Variants in LRRC7 observed in about 807,000 individuals in gnomAD.
LRRC7 encodes the protein leucine-rich repeat-containing protein 7.
Under a neutral mutation model 175.7 loss-of-function variants are expected in LRRC7, and 23 were observed. That is an observed-to-expected ratio of 0.13 (90% CI 0.09 to 0.19). The LOEUF (loss-of-function observed/expected upper bound fraction) is 0.19. Ranked by LOEUF, LRRC7 falls within the 10% of genes least tolerant of loss-of-function variation. LRRC7 has a pLI of 1.00. For synonymous variants in LRRC7, 685 were observed against 680.9 expected (o/e 1.01, Z -0.09); for missense variants, 1,354 against 1,904.7 (o/e 0.71, Z 5.38).
intron 25 of LRRC7, among the ~76,000 whole-genome samples, chr1:70,095,057 T>C (rs919873961): frequency 1.3e-5 from 2 of 152,226 alleles, no homozygotes; most frequent in Admixed American, 6.5e-5. Context: ...ATACAATTTA[T>C]TGTATATGTT....
intron 7 of LRRC7, among the ~76,000 whole-genome samples, chr1:69,897,567 G>A (rs912583653): frequency 5.3e-5 from 8 of 152,080 alleles, no homozygotes; most frequent in African/African-American, 1.9e-4. Context: ...AATAAGGCCT[G>A]GGACATAATA....
intron 1 of LRRC7, among the ~76,000 whole-genome samples, chr1:69,570,786 A>G (rs1017582653): frequency 3.3e-5 from 5 of 152,156 alleles, no homozygotes; most frequent in African/African-American, 4.8e-5. Flanking sequence ...GGATGTAGGA[A>G]TGATTTTATG....
intron 7 of LRRC7, among the ~76,000 whole-genome samples, chr1:69,876,399 T>C (rs1231622122): frequency 1.3e-5 from 2 of 152,118 alleles, no homozygotes. Flanking sequence ...TAGCAATCAA[T>C]ATAAGTTAAT....
intron 1 of LRRC7, among the ~76,000 whole-genome samples, chr1:69,675,851 C>G (rs1659693195): frequency 6.6e-6 from 1 of 152,036 alleles, no homozygotes; most frequent in African/African-American, 2.4e-5. Flanking sequence ...CAAGTTTCCA[C>G]TTGGTTTCCT....
In LRRC7 at chr1:70,050,578, C is replaced by CA. The variant is rs556386714; in HGVS notation, c.4111-2441dup. The stretch of plus-strand genomic sequence containing the variant: ...CAAAGAAAATATCAAGAATGTGGTG[C>CA]AAAAAAATAATTGAATTAATAGCTG... On this transcript the variant is annotated intron_variant, in intron 22 of 26. Coordinates refer to ENST00000651989, the MANE Select transcript of LRRC7 (RefSeq NM_001370785.2). Among the ~76,000 whole-genome samples, 481 of 151,922 alleles carry CA rather than the reference C, an allele frequency of 3.2e-3. 3 individuals are homozygous for CA. Among genetic ancestry groups the CA allele is most frequent in the African/African-American group, 0.011 (444 of 41,492 alleles).
At chr1:69,568,670 G>T (rs1645598024) in intron 1 of LRRC7, 29 bp downstream of exon 1, 1 of 1,300,156 alleles carries the variant, frequency 7.7e-7, no homozygotes, top group East Asian at 5.6e-5. Context: ...CTCCGTGGCG[G>T]AGGGTGCTGC....
chr1:69,682,714 T>C (rs186122863), intron 2 of LRRC7, among the ~76,000 whole-genome samples: 131 of 152,166 alleles, frequency 8.6e-4, no homozygotes, highest in Admixed American at 1.4e-3. Context: ...TCCAGAACTG[T>C]GAGAAATAAA....
chr1:69,966,084 C>G (rs940964793), intron 8 of LRRC7, among the ~76,000 whole-genome samples: 1 of 151,944 alleles, frequency 6.6e-6, no homozygotes, highest in African/African-American at 2.4e-5. Context: ...AAGTTATACC[C>G]TGAAATATTG....
At chr1:70,079,105 G>A (rs911068162) in intron 24 of LRRC7, among the ~76,000 whole-genome samples, 6 of 152,068 alleles carry the variant, frequency 3.9e-5, no homozygotes, top group Non-Finnish European at 1.5e-5. Flanking sequence ...TTTTTAATAA[G>A]TGTATGTGGC....
rs1557640309 is a variant in LRRC7, at chr1:69,717,762, A to AAAGAAGG, written c.100+39286_100+39287insGAAGGAA. On this transcript the variant is annotated intron_variant, in intron 2 of 26. Transcript: ENST00000651989. ...ATTTAAAAGATATTGGAACATGAAA[A>AAAGAAGG]AAAGAAAAAAAGAAAGAAAGAAAGA... Among the ~76,000 whole-genome samples the AAAGAAGG allele has an allele frequency of 3.4e-4, 14 of 40,842 alleles. 1 individual carries two copies. Among genetic ancestry groups the AAAGAAGG allele is most frequent in the African/African-American group, 1.9e-3 (13 of 6,934 alleles). The allele number at this position is 40,842 out of a possible 152,430, so 26.8% of individuals were successfully genotyped here. A position where few individuals can be genotyped will look rare whatever the true frequency, so the allele number is the denominator to read the frequency against.
At chr1:69,760,162 T>C in intron 2 of LRRC7, 29 bp from the exon 3 acceptor site, 1 of 1,608,378 alleles carries the variant, frequency 6.2e-7, no homozygotes, top group Non-Finnish European at 8.5e-7. Context: ...TAAGCTGTTT[T>C]GTTTTGTTTT....
chr1:70,005,994 T>C (rs2101938893), intron 11 of LRRC7, among the ~76,000 whole-genome samples: 1 of 152,286 alleles, frequency 6.6e-6, no homozygotes, highest in East Asian at 1.9e-4. Context: ...GTCTTTTTTT[T>C]TTCACTTCAT....
chr1:69,778,987 C>T (rs560433314), intron 3 of LRRC7, among the ~76,000 whole-genome samples: 1 of 149,638 alleles, frequency 6.7e-6, no homozygotes, highest in East Asian at 2.0e-4. Flanking sequence ...CACACACACT[C>T]ATATATATAC....
intron 3 of LRRC7, among the ~76,000 whole-genome samples, chr1:69,784,883 A>G (rs1416643751): frequency 1.3e-5 from 2 of 152,184 alleles, no homozygotes; most frequent in Non-Finnish European, 2.9e-5. Flanking sequence ...TTTTTTAGTT[A>G]CAAATTTTTA....
At chr1:69,926,664 A>G (rs1277481892) in intron 7 of LRRC7, among the ~76,000 whole-genome samples, 1 of 151,586 alleles carries the variant, frequency 6.6e-6, no homozygotes, top group Non-Finnish European at 1.5e-5. Context: ...TGTTTGGTAG[A>G]TCTTCCTCCA....
chr1:69,900,135 A>C (rs1040920925), intron 7 of LRRC7, among the ~76,000 whole-genome samples: 2 of 152,228 alleles, frequency 1.3e-5, no homozygotes, highest in Admixed American at 1.3e-4. Context: ...AGAACAGCGG[A>C]CCAGATTTGG....
intron 23 of LRRC7, among the ~76,000 whole-genome samples, chr1:70,054,497 G>C (rs943296933): frequency 4.2e-4 from 63 of 151,666 alleles, no homozygotes; most frequent in African/African-American, 1.5e-3. Context: ...GGTAAAGTAG[G>C]GGATGGAATC....
At position 69,975,170 on chromosome 1, in the gene LRRC7, G is replaced by A. The variant is rs1463951076; in HGVS notation, c.712-5209G>A. On this transcript the variant is annotated intron_variant, in intron 8 of 26. Coordinates refer to ENST00000651989, the MANE Select transcript of LRRC7 (RefSeq NM_001370785.2). ...AGAATTAGAGAAATTTCAGAGGTAT[G>A]ATTGATCATCTTTCTCTGCCACTTT... 3.3e-5 allele frequency among the ~76,000 whole-genome samples: 5 copies of A among 152,176 alleles called. No individual in the cohort carries two copies. The East Asian group carries it at 9.6e-4, about 29-fold the overall frequency.
At chr1:69,941,082 A>G (rs1452452421) in intron 8 of LRRC7, among the ~76,000 whole-genome samples, 2 of 152,204 alleles carry the variant, frequency 1.3e-5, no homozygotes, top group African/African-American at 4.8e-5. Flanking sequence ...AGATTGTTCT[A>G]TGCAGCGGGA....
Sources: allele counts gnomAD v4.1 joint callset (sites outside exome capture counted in the v4.1 genomes callset), GRCh38; gene constraint gnomAD v4.1.1; transcripts MANE v1.5; gene names NCBI Gene and HGNC (gene_info 2026-07-23, HGNC 2026-07-21).